Variants in LARGE1 observed in about 807,000 individuals in gnomAD.
LARGE1 encodes xylosyl- and glucuronyltransferase LARGE1.
In LARGE1, 43 loss-of-function variants were observed where a neutral mutation model predicts 87.6. The ratio of observed to expected loss-of-function variants is 0.49; its 90% CI spans 0.38 to 0.63. The LOEUF (loss-of-function observed/expected upper bound fraction) is 0.63. Among genes scored for constraint, LARGE1 ranks in the 30% least tolerant of loss-of-function variants. LARGE1 has a pLI of 0.00. For synonymous variants in LARGE1, 434 were observed against 394.6 expected (o/e 1.10, Z -1.18); for missense variants, 802 against 1,000.2 (o/e 0.80, Z 2.67).
chr22:33,146,921 C>T, the LARGE1 span, among the ~76,000 whole-genome samples: 1 of 152,178 alleles, frequency 6.6e-6, no homozygotes, highest in African/African-American at 2.4e-5. Context: ...TAATGTTCAA[C>T]CCATTAGTCT....
At chr22:33,332,772 A>G (rs1264803054) in intron 10 of LARGE1, among the ~76,000 whole-genome samples, 3 of 152,150 alleles carry the variant, frequency 2.0e-5, no homozygotes, top group Non-Finnish European at 4.4e-5. Context: ...TCAGGAGTGC[A>G]ATGTTTACAG....
At chr22:33,386,862 G>A (rs1355707600) in intron 7 of LARGE1, among the ~76,000 whole-genome samples, 2 of 148,892 alleles carry the variant, frequency 1.3e-5, no homozygotes, top group South Asian at 2.4e-4. Flanking sequence ...AGCACTTTGG[G>A]AGGCCAAGGT....
At chr22:33,608,113 G>A (rs960836843) in intron 4 of LARGE1, among the ~76,000 whole-genome samples, 7 of 152,140 alleles carry the variant, frequency 4.6e-5, no homozygotes, top group East Asian at 1.9e-4. Context: ...GTGTTTCCAC[G>A]ACTGTCTCCC....
intron 1 of LARGE1, among the ~76,000 whole-genome samples, chr22:33,849,892 C>T (rs1206495955): frequency 2.0e-5 from 3 of 152,138 alleles, no homozygotes; most frequent in African/African-American, 4.8e-5. Context: ...TGAGCCACTG[C>T]GCCCGGACTC....
At chr22:33,896,799 G>C (rs775938424) in intron 1 of LARGE1, among the ~76,000 whole-genome samples, 3 of 152,076 alleles carry the variant, frequency 2.0e-5, no homozygotes, top group Non-Finnish European at 4.4e-5. Context: ...TGAGTTTTCC[G>C]TAATTAGATA....
At chr22:33,319,145 C>T (rs2267189) in intron 10 of LARGE1, among the ~76,000 whole-genome samples, 9 of 151,890 alleles carry the variant, frequency 5.9e-5, no homozygotes, top group Non-Finnish European at 1.0e-4. Context: ...CTTACTAAAG[C>T]GGCACAGTTT....
chr22:33,478,704 T>C (rs993100064), intron 6 of LARGE1, among the ~76,000 whole-genome samples: 7 of 152,176 alleles, frequency 4.6e-5, no homozygotes, highest in Non-Finnish European at 7.4e-5. Flanking sequence ...TTAAATGAGA[T>C]AGCACATGAA....
chr22:33,750,511 T>A (rs760298596), intron 2 of LARGE1: 2 of 152,186 alleles, frequency 1.3e-5, no homozygotes, highest in Non-Finnish European at 2.9e-5. Flanking sequence ...ACAGTTTCCA[T>A]TATTGTTATA....
intron 10 of LARGE1, among the ~76,000 whole-genome samples, chr22:33,330,737 ATCAAACTGTCTTG>A (rs1438453888): frequency 1.3e-5 from 2 of 152,180 alleles, no homozygotes; most frequent in African/African-American, 4.8e-5. Context: ...TCTCTTGCAA[ATCAAACTGTCTTG>A]TCCTAGAGCA....
At chr22:33,737,270 T>C (rs1489596039) in intron 2 of LARGE1, among the ~76,000 whole-genome samples, 1 of 152,206 alleles carries the variant, frequency 6.6e-6, no homozygotes, top group African/African-American at 2.4e-5. Context: ...ACATGGGCTT[T>C]TGTCTCATTC....
intron 6 of LARGE1, among the ~76,000 whole-genome samples, chr22:33,435,423 C>CTACA (rs1213181491): frequency 2.0e-5 from 3 of 152,220 alleles, no homozygotes; most frequent in African/African-American, 7.2e-5. Flanking sequence ...GGGCAAGATA[C>CTACA]TACAAGGTGT....
At chr22:33,499,573 G>A (rs958002146) in intron 6 of LARGE1, among the ~76,000 whole-genome samples, 2 of 152,142 alleles carry the variant, frequency 1.3e-5, no homozygotes, top group South Asian at 2.1e-4. Flanking sequence ...TTGGAGAAGT[G>A]AGCCAGGGTC....
chr22:33,086,219 T>G, the LARGE1 span, among the ~76,000 whole-genome samples: 2 of 152,352 alleles, frequency 1.3e-5, no homozygotes, highest in Non-Finnish European at 2.9e-5. Flanking sequence ...TAAAATAGTT[T>G]GAACACCATC....
In LARGE1 at chr22:33,280,870, C is replaced by A. The variant is rs144655689; in HGVS notation, c.1877+2332G>T. Among the ~76,000 whole-genome samples, 3 of 152,298 alleles carry A rather than the reference C, an allele frequency of 2.0e-5. No individual in the cohort carries two copies. In the East Asian group the frequency reaches 5.8e-4, roughly 29 times the overall value. ...ATTATCTGGAAGACTGGTTCCAATT[C>A]CAGAGTTTCTGATGCAGGAGGTCTG... On this transcript the variant is annotated intron_variant, in intron 13 of 14. Transcript: ENST00000397394.
At chr22:33,863,449 G>C in intron 1 of LARGE1, among the ~76,000 whole-genome samples, 1 of 152,050 alleles carries the variant, frequency 6.6e-6, no homozygotes, top group East Asian at 1.9e-4. Flanking sequence ...TGTAAGTTCA[G>C]GTAAACTTTA....
intron 1 of LARGE1, among the ~76,000 whole-genome samples, chr22:33,798,932 C>T (rs2086071719): frequency 6.6e-6 from 1 of 152,192 alleles, no homozygotes; most frequent in African/African-American, 2.4e-5. Flanking sequence ...CCTTAAAAGT[C>T]AGGCATTTCA....
At chr22:33,255,914 C>A (rs1489285512) in intron 11 of LARGE1, among the ~76,000 whole-genome samples, 2 of 152,116 alleles carry the variant, frequency 1.3e-5, no homozygotes, top group Admixed American at 1.3e-4. Context: ...ATTTCACTTC[C>A]CGTTTGACAG....
intron 1 of LARGE1, among the ~76,000 whole-genome samples, chr22:33,779,333 C>T (rs2085345379): frequency 6.6e-6 from 1 of 152,148 alleles, no homozygotes; most frequent in South Asian, 2.1e-4. Flanking sequence ...TTATTGTACA[C>T]ATCAGACAAC....
chr22:33,089,431 CTCT>C, the LARGE1 span, among the ~76,000 whole-genome samples: 5 of 139,770 alleles, frequency 3.6e-5, no homozygotes, highest in Non-Finnish European at 6.1e-5. Flanking sequence ...CTTCCTCTTC[CTCT>C]TCTTCTTCCT....
Sources: gnomAD v4.1 joint callset for allele counts (sites outside exome capture counted in the v4.1 genomes callset) on GRCh38, gnomAD v4.1.1 for gene constraint, MANE v1.5 for transcripts, NCBI Gene and HGNC (gene_info 2026-07-23, HGNC 2026-07-21) for gene names.